Variants in ARID1A observed in about 807,000 individuals in gnomAD.
ARID1A encodes the protein AT-rich interaction domain 1A, also known as AT-rich interactive domain-containing protein 1A.
Under a neutral mutation model 212.6 loss-of-function variants are expected in ARID1A, and 20 were observed. The observed-to-expected ratio is 0.09, with a 90% CI of 0.07 to 0.14. ARID1A has a LOEUF of 0.14. Ranked by LOEUF, ARID1A falls within the 10% of genes least tolerant of loss-of-function variation. The probability of loss-of-function intolerance (pLI) is 1.00; values close to 1 mark genes in which losing one functional copy is unlikely to be tolerated. For missense variants in ARID1A, 2,587 were observed against 3,059.0 expected, an observed-to-expected ratio of 0.85 and a Z score of 3.64; for synonymous variants, 1,376 against 1,222.1, an observed-to-expected ratio of 1.13 and a Z score of -2.63.
rs1389431399 is a variant in ARID1A, at chr1:26,697,354, T to C, written c.951T>C (p.Ser317=). ...AGGGCTACCCCGGGGGCGACTACAG[T>C]GGCGGGCCCCAGGACGGGGGCGCCG... ...GYQGYPGGDY[S]GGPQDGGAGK... The change falls in exon 1 of 20, where the codon AGT becomes AGC. Residue 317 remains serine (S), a synonymous_variant. Coordinates refer to ENST00000324856, the MANE Select transcript of ARID1A (RefSeq NM_006015.6). 1 of 1,321,196 alleles carries C rather than the reference T, an allele frequency of 7.6e-7. No homozygotes were observed. Among genetic ancestry groups the C allele is most frequent in the Non-Finnish European group, 9.6e-7 (1 of 1,042,264 alleles). 81.8% of individuals were successfully genotyped at this position (1,321,196 alleles called of 1,614,324 possible). A position where few individuals can be genotyped will look rare whatever the true frequency, so the allele number is the denominator to read the frequency against.
chr1:26,696,194 G>A lies in ARID1A; in HGVS notation c.-210G>A, dbSNP rs867888491. ...CGCCGGCGCCTCGGCCGCCGCCGCC[G>A]CCTCCTCCTCCTCCGCCGCCGCCAG... is the stretch of plus-strand genomic sequence containing the variant. On this transcript the variant is annotated 5_prime_UTR_variant, in exon 1 of 20. Coordinates refer to ENST00000324856, the MANE Select transcript of ARID1A (RefSeq NM_006015.6). 4 of 665,756 alleles carry A rather than the reference G, an allele frequency of 6.0e-6. No individual in the cohort carries two copies. The highest frequency in any genetic ancestry group is 6.9e-5 in the South Asian group (1 of 14,394). The allele number at this position is 665,756 out of a possible 1,614,324, so 41.2% of individuals were successfully genotyped here.
At chr1:26,703,602 C>T (rs1232815688) in intron 1 of ARID1A, among the ~76,000 whole-genome samples, 1 of 152,156 alleles carries the variant, frequency 6.6e-6, no homozygotes, top group Non-Finnish European at 1.5e-5. Context: ...TGTTTTAATA[C>T]AAAACACAAA....
chr1:26,766,372 T>TA lies in ARID1A; in HGVS notation c.2878+6_2878+7insA. ...CATGGCCAACAATTCTGCAGGTAAG[T>TA]GCTAGTCATTCTCACTAGGGATTTC... On this transcript the variant is annotated splice_region_variant and intron_variant, in intron 9 of 19. Coordinates refer to ENST00000324856, the MANE Select transcript of ARID1A (RefSeq NM_006015.6). The TA allele has an allele frequency of 1.9e-6, 3 of 1,614,118 alleles. No homozygotes were observed. Among genetic ancestry groups the TA allele is most frequent in the Non-Finnish European group, 2.5e-6 (3 of 1,180,018 alleles).
intron 4 of ARID1A, among the ~76,000 whole-genome samples, chr1:26,753,931 C>T (rs890460941): frequency 6.6e-6 from 1 of 152,042 alleles, no homozygotes; most frequent in African/African-American, 2.4e-5. Context: ...CTCAGCCTCC[C>T]GAGTAGCTGG....
chr1:26,744,612 G>C (rs1330428204), intron 4 of ARID1A, among the ~76,000 whole-genome samples: 2 of 152,202 alleles, frequency 1.3e-5, no homozygotes, highest in Non-Finnish European at 2.9e-5. Flanking sequence ...GGTATGTCCT[G>C]ATTCTTTTGT....
At chr1:26,768,110 C>A in intron 11 of ARID1A, 111 bp downstream of exon 11, 1 of 1,222,004 alleles carries the variant, frequency 8.2e-7, no homozygotes, top group East Asian at 2.4e-5. Flanking sequence ...CATCCCCTCT[C>A]CCGCTTTCTG....
intron 8 of ARID1A, among the ~76,000 whole-genome samples, chr1:26,763,503 C>T (rs1039847891): frequency 5.9e-5 from 9 of 152,140 alleles, no homozygotes; most frequent in African/African-American, 9.7e-5. Context: ...CCGGGCGTGG[C>T]GGCTCATGCC....
At chr1:26,759,569 C>A (rs996342783) in intron 4 of ARID1A, among the ~76,000 whole-genome samples, 11 of 152,226 alleles carry the variant, frequency 7.2e-5, no homozygotes, top group African/African-American at 2.4e-4. Context: ...TTCATCCTTT[C>A]TTCAATTACA....
At chr1:26,740,005 GAAA>G (rs957116387) in intron 4 of ARID1A, among the ~76,000 whole-genome samples, 1 of 139,476 alleles carries the variant, frequency 7.2e-6, no homozygotes, top group Non-Finnish European at 1.6e-5. Flanking sequence ...AAAAAAAAAA[GAAA>G]AAAAAAACCT....
At chr1:26,701,705 C>G (rs1045188095) in intron 1 of ARID1A, among the ~76,000 whole-genome samples, 1 of 152,160 alleles carries the variant, frequency 6.6e-6, no homozygotes, top group Non-Finnish European at 1.5e-5. Context: ...AATCAGGGGT[C>G]TTGAGACCAT....
chr1:26,697,634 A>T (rs2080285878), intron 1 of ARID1A, 94 bp downstream of exon 1: 1 of 1,177,540 alleles, frequency 8.5e-7, no homozygotes, highest in Non-Finnish European at 1.1e-6. Context: ...GGCTCCCCTC[A>T]GTCCCGGGCC....
At chr1:26,698,727 A>G (rs895934663) in intron 1 of ARID1A, among the ~76,000 whole-genome samples, 1 of 152,148 alleles carries the variant, frequency 6.6e-6, no homozygotes, top group Non-Finnish European at 1.5e-5. Flanking sequence ...CTGAAGATGC[A>G]TTTATCTTGA....
At chr1:26,722,500 C>T (rs2080574731) in intron 1 of ARID1A, among the ~76,000 whole-genome samples, 1 of 152,202 alleles carries the variant, frequency 6.6e-6, no homozygotes, top group Non-Finnish European at 1.5e-5. Context: ...CCGCCTTGGC[C>T]ACCCAACGTG....
intron 1 of ARID1A, among the ~76,000 whole-genome samples, chr1:26,728,701 C>T (rs2080643066): frequency 2.0e-5 from 3 of 152,194 alleles, no homozygotes; most frequent in Admixed American, 2.0e-4. Flanking sequence ...AGACCCATGC[C>T]TACTCTCCAT....
intron 14 of ARID1A, 94 bp from the exon 15 acceptor site, chr1:26,773,239 AAAACAATGAGATC>A: frequency 6.9e-7 from 1 of 1,445,610 alleles, no homozygotes; most frequent in Admixed American, 2.3e-5. Flanking sequence ...ACTTGTCTGG[AAAACAATGAGATC>A]AAACCTGAAC....
Position 26,780,794 on chromosome 1 carries a change from G to T in ARID1A, c.*38G>T. The T allele has an allele frequency of 6.6e-7, 1 of 1,526,664 alleles. No individual in the cohort carries two copies. The highest frequency in any genetic ancestry group is 8.8e-7 in the Non-Finnish European group (1 of 1,139,780). The allele number at this position is 1,526,664 out of a possible 1,614,324, so 94.6% of individuals were successfully genotyped here. On this transcript the variant is annotated 3_prime_UTR_variant, in exon 20 of 20. Coordinates refer to ENST00000324856, the MANE Select transcript of ARID1A (RefSeq NM_006015.6). The surrounding 1 kb of genome is among the most constrained non-coding windows in gnomAD (Gnocchi z 7.2). Reference sequence around the variant, plus strand: ...ACCTCCCCCCCCCGTGTGTGTGTGCGTGTGTGGAGAACTTAGAAACTGACT... The same window carrying T: ...ACCTCCCCCCCCCGTGTGTGTGTGCTTGTGTGGAGAACTTAGAAACTGACT...
intron 1 of ARID1A, chr1:26,729,428 G>T: frequency 1.8e-6 from 1 of 567,982 alleles, no homozygotes; most frequent in Non-Finnish European, 3.2e-6. Flanking sequence ...AGCTTACAAG[G>T]TGTTTTCACA....
At chr1:26,711,418 C>T (rs573118693) in intron 1 of ARID1A, among the ~76,000 whole-genome samples, 66 of 152,194 alleles carry the variant, frequency 4.3e-4, no homozygotes, top group African/African-American at 1.5e-3. Flanking sequence ...CCAGCGCCCC[C>T]GGCTCTTGCT....
chr1:26,699,695 C>G (rs894388216), intron 1 of ARID1A, among the ~76,000 whole-genome samples: 1 of 152,146 alleles, frequency 6.6e-6, no homozygotes, highest in Non-Finnish European at 1.5e-5. Flanking sequence ...GAACCTCTTT[C>G]CTCTCATTCC....
Sources: allele counts gnomAD v4.1 joint callset (sites outside exome capture counted in the v4.1 genomes callset), GRCh38; gene constraint gnomAD v4.1.1; non-coding constraint Gnocchi (gnomAD v3.1); transcripts MANE v1.5; gene names NCBI Gene and HGNC (gene_info 2026-07-23, HGNC 2026-07-21).